Variants in UGT1A4 observed in about 807,000 individuals in gnomAD.
UGT1A4 encodes UDP glucuronosyltransferase family 1 member A4.
UGT1A4 carries 32 observed loss-of-function variants against 41.1 expected under a neutral mutation model. The ratio of observed to expected loss-of-function variants is 0.78; its 90% CI spans 0.59 to 1.05. The LOEUF is 1.05. Ranked by LOEUF, UGT1A4 falls within the 50% of genes least tolerant of loss-of-function variation. The pLI is 0.00. For missense variants in UGT1A4, 748 were observed against 677.4 expected, an observed-to-expected ratio of 1.10 and a Z score of -1.16; for synonymous variants, 283 against 265.1, an observed-to-expected ratio of 1.07 and a Z score of -0.66.
chr2:233,739,826 A>G (rs989260193), intron 1 of UGT1A4, among the ~76,000 whole-genome samples: 6 of 152,024 alleles, frequency 3.9e-5, no homozygotes, highest in African/African-American at 1.2e-4. Context: ...TTAAATGTGA[A>G]AAGACATGAG....
At chr2:233,748,115 G>A in intron 1 of UGT1A4, 1 of 1,611,758 alleles carries the variant, frequency 6.2e-7, no homozygotes, top group Non-Finnish European at 8.5e-7. Context: ...CAATGTTCCA[G>A]GCAAAACAGT....
At position 233,718,962 on chromosome 2, in the gene UGT1A4, T is replaced by A. The variant is rs2011425; in HGVS notation, c.142T>A (p.Leu48Met). The stretch of plus-strand genomic sequence containing the variant: ...CCCCTGGCTCAGCATGCGGGAGGCC[T>A]TGCGGGAGCTCCATGCCAGAGGCCA... The part of the protein sequence containing the change: ...GSPWLSMREA[L>M]RELHARGHQA... Residue 48 changes from leucine to methionine, a missense_variant, in exon 1 of 5, where the codon TTG becomes ATG. Coordinates refer to ENST00000373409, the MANE Select transcript of UGT1A4 (RefSeq NM_007120.3). 1.5e-5 allele frequency: 24 copies of A among 1,614,014 alleles called. No individual in the cohort carries two copies. In the South Asian group the frequency reaches 2.6e-4, roughly 18 times the overall value.
chr2:233,758,772 T>G lies in UGT1A4; in HGVS notation c.868-8262T>G, dbSNP rs34118072. Reference sequence around the variant, plus strand: ...GCCAGTGATGTGTATGGTTCAAATGTTGGGATCTGTGCAGTTATCTTGGAA... The same window carrying G: ...GCCAGTGATGTGTATGGTTCAAATGGTGGGATCTGTGCAGTTATCTTGGAA... On this transcript the variant is annotated intron_variant, in intron 1 of 4. Coordinates refer to ENST00000373409, the MANE Select transcript of UGT1A4 (RefSeq NM_007120.3). Among the ~76,000 whole-genome samples, 852 of 152,332 alleles carry G rather than the reference T, an allele frequency of 5.6e-3. 11 individuals carry two copies. The highest frequency in any genetic ancestry group is 0.02 in the African/African-American group (820 of 41,568).
intron 1 of UGT1A4, among the ~76,000 whole-genome samples, chr2:233,764,945 G>GA (rs2126013513): frequency 6.6e-6 from 1 of 152,312 alleles, no homozygotes; most frequent in Non-Finnish European, 1.5e-5. Context: ...GAGTGGCGGG[G>GA]AGAGAGGGCT....
At chr2:233,763,400 C>G (rs1260538739) in intron 1 of UGT1A4, among the ~76,000 whole-genome samples, 3 of 152,186 alleles carry the variant, frequency 2.0e-5, no homozygotes, top group African/African-American at 7.2e-5. Context: ...CAACATGGCA[C>G]TGGTATTTTT....
At chr2:233,743,166 TA>T in intron 1 of UGT1A4, 1 of 363,344 alleles carries the variant, frequency 2.8e-6, no homozygotes, top group East Asian at 7.3e-5. Context: ...CAGATGTGCT[TA>T]AAGTCAAATG....
chr2:233,752,917 C>T (rs758108184), intron 1 of UGT1A4, among the ~76,000 whole-genome samples: 1 of 152,208 alleles, frequency 6.6e-6, no homozygotes, highest in Non-Finnish European at 1.5e-5. Flanking sequence ...CTCTGAGTGA[C>T]ACTGGTATGC....
At chr2:233,752,726 CAGAG>C in intron 1 of UGT1A4, among the ~76,000 whole-genome samples, 1 of 152,282 alleles carries the variant, frequency 6.6e-6, no homozygotes, top group East Asian at 1.9e-4. Context: ...GCAACAGCTA[CAGAG>C]AGAGACCCTG....
chr2:233,743,533 T>A lies in UGT1A4; in HGVS notation c.868-23501T>A, dbSNP rs755870649. On this transcript the variant is annotated intron_variant, in intron 1 of 4. Transcript: ENST00000373409. The stretch of plus-strand genomic sequence containing the variant: ...CGCTCTGCTTCTGCTTCCCCAGCAG[T>A]TCCTCTGACCCCCCCAAAATATTCT... 4 of 1,367,096 alleles carry A rather than the reference T, an allele frequency of 2.9e-6. No individual in the cohort carries two copies. The African/African-American group carries it at 5.9e-5, about 20-fold the overall frequency. 84.7% of individuals were successfully genotyped at this position (1,367,096 alleles called of 1,614,324 possible).
intron 1 of UGT1A4, among the ~76,000 whole-genome samples, chr2:233,732,918 G>C (rs1288769205): frequency 6.6e-6 from 1 of 151,996 alleles, no homozygotes; most frequent in Non-Finnish European, 1.5e-5. Flanking sequence ...CCATTTTCAC[G>C]ATATTGATTC....
At chr2:233,728,633 A>G (rs1305532869) in intron 1 of UGT1A4, among the ~76,000 whole-genome samples, 1 of 152,194 alleles carries the variant, frequency 6.6e-6, no homozygotes, top group Non-Finnish European at 1.5e-5. Flanking sequence ...CTGGCTTAGC[A>G]ATGTTGTATG....
chr2:233,770,320 A>G (rs1342178288), intron 4 of UGT1A4: 1 of 152,182 alleles, frequency 6.6e-6, no homozygotes, highest in African/African-American at 2.4e-5. Flanking sequence ...TATGCTGACA[A>G]CCAGGCCATA....
At chr2:233,762,774 G>T (rs1698159939) in intron 1 of UGT1A4, among the ~76,000 whole-genome samples, 2 of 149,604 alleles carry the variant, frequency 1.3e-5, no homozygotes, top group Non-Finnish European at 1.5e-5. Flanking sequence ...TCTATCTCTA[G>T]CTGATTATCT....
In UGT1A4 at chr2:233,768,276, A is replaced by T. The variant is rs771550944; in HGVS notation, c.1144A>T (p.Ser382Cys). The T allele has an allele frequency of 3.1e-6, 5 of 1,614,024 alleles. No homozygotes were observed. In the African/African-American group the frequency reaches 6.7e-5, roughly 22 times the overall value. Residue 382 changes from serine (S) to cysteine (C), a missense_variant, in exon 4 of 5, where the codon AGC becomes TGC. Coordinates refer to ENST00000373409, the MANE Select transcript of UGT1A4 (RefSeq NM_007120.3). ...TGCTGGTTCCCATGGTGTTTATGAA[A>T]GCATATGCAATGGCGTTCCCATGGT... ...THAGSHGVYE[S>C]ICNGVPMVMM... is the part of the protein sequence containing the mutation.
intron 1 of UGT1A4, among the ~76,000 whole-genome samples, chr2:233,766,110 G>T (rs1275743643): frequency 6.6e-6 from 1 of 152,184 alleles, no homozygotes; most frequent in Non-Finnish European, 1.5e-5. Context: ...TATCCTGGGG[G>T]CTTGCCTTGG....
intron 1 of UGT1A4, among the ~76,000 whole-genome samples, chr2:233,761,780 C>T (rs762414530): frequency 3.3e-5 from 5 of 152,172 alleles, no homozygotes; most frequent in African/African-American, 9.7e-5. Flanking sequence ...ACATCCTCAT[C>T]GAAATCTCAG....
At chr2:233,721,019 A>AAT (rs1377693832) in intron 1 of UGT1A4, among the ~76,000 whole-genome samples, 6 of 152,098 alleles carry the variant, frequency 3.9e-5, no homozygotes, top group Non-Finnish European at 8.8e-5. Context: ...TGAGGGAGCC[A>AAT]TCTTTCTTGT....
intron 1 of UGT1A4, chr2:233,760,247 T>TAA: frequency 6.2e-7 from 1 of 1,608,794 alleles, no homozygotes; most frequent in Non-Finnish European, 8.5e-7. Flanking sequence ...TATATATATA[T>TAA]AAGTAGGAGA....
At chr2:233,743,665 C>A (rs1373066127) in intron 1 of UGT1A4, 1 of 1,367,124 alleles carries the variant, frequency 7.3e-7, no homozygotes, top group Non-Finnish European at 9.8e-7. Flanking sequence ...CGAAGGGGTC[C>A]TCGAAGGGCC....
Sources: allele counts gnomAD v4.1 joint callset (sites outside exome capture counted in the v4.1 genomes callset), GRCh38; gene constraint gnomAD v4.1.1; transcripts MANE v1.5; gene names NCBI Gene and HGNC (gene_info 2026-07-23, HGNC 2026-07-21).